The following CELF2 variants were observed in gnomAD, a reference collection of about 807,000 sequenced individuals.
The protein encoded by CELF2 is CUG triplet repeat RNA-binding protein 2.
Under a neutral mutation model 62.6 loss-of-function variants are expected in CELF2, and 8 were observed. That is an observed-to-expected ratio of 0.13 (90% CI 0.07 to 0.23). CELF2 has a LOEUF of 0.23. Among genes scored for constraint, CELF2 ranks in the 10% least tolerant of loss-of-function variants. The pLI, the probability that CELF2 is intolerant of heterozygous loss-of-function variation, is 1.00. For missense variants in CELF2, 333 were observed against 671.0 expected, an observed-to-expected ratio of 0.50 and a Z score of 5.56; for synonymous variants, 258 against 250.0, an observed-to-expected ratio of 1.03 and a Z score of -0.30.
At chr10:10,815,066 T>C (rs1282729158) in intron 1 of CELF2, among the ~76,000 whole-genome samples, 1 of 152,202 alleles carries the variant, frequency 6.6e-6, no homozygotes, top group Non-Finnish European at 1.5e-5. Context: ...AGAATGGGGC[T>C]TTGAGAAGAT....
the CELF2 span, among the ~76,000 whole-genome samples, chr10:10,698,030 G>T: frequency 6.6e-6 from 1 of 152,158 alleles, no homozygotes; most frequent in African/African-American, 2.4e-5. Context: ...CTGACCTGAG[G>T]TGATCCGCCC....
At chr10:10,866,694 C>T (rs138272478) in intron 1 of CELF2, among the ~76,000 whole-genome samples, 3 of 150,676 alleles carry the variant, frequency 2.0e-5, no homozygotes, top group African/African-American at 4.9e-5. Context: ...CGGTGGCTCA[C>T]GACTGTAATT....
At chr10:10,974,274 A>G (rs1289037252) in intron 2 of CELF2, among the ~76,000 whole-genome samples, 1 of 152,200 alleles carries the variant, frequency 6.6e-6, no homozygotes, top group African/African-American at 2.4e-5. Context: ...TTCCTTCACT[A>G]GTATTAGCAG....
intron 2 of CELF2, among the ~76,000 whole-genome samples, chr10:10,978,739 C>T (rs201096): frequency 0.98 from 149,472 of 152,346 alleles, 73,348 homozygotes; most frequent in East Asian, 1. Flanking sequence ...TATGGTAGGC[C>T]AATACCCTAA....
the CELF2 span, among the ~76,000 whole-genome samples, chr10:10,568,117 C>T: frequency 6.6e-6 from 1 of 152,148 alleles, no homozygotes; most frequent in South Asian, 2.1e-4. Flanking sequence ...GGCAAGGCTG[C>T]TTTAAATAGA....
chr10:11,005,233 G>C (rs1184314575), upstream of CELF2: 3 of 1,509,000 alleles, frequency 2.0e-6, no homozygotes, highest in African/African-American at 4.2e-5. This position sits in a 1 kb window ranked among gnomAD's most constrained non-coding sequence, Gnocchi z 4.3. Flanking sequence ...CTAGGGAAGA[G>C]AGTGGGAAGA....
intron 1 of CELF2, among the ~76,000 whole-genome samples, chr10:10,863,863 G>A (rs1229501961): frequency 6.6e-6 from 1 of 152,116 alleles, no homozygotes; most frequent in East Asian, 1.9e-4. Context: ...CTTTCCAGCA[G>A]GACAAACCAA....
chr10:11,272,958 C>T (rs967487786), intron 7 of CELF2, among the ~76,000 whole-genome samples: 3 of 152,180 alleles, frequency 2.0e-5, no homozygotes, highest in East Asian at 1.9e-4. Context: ...AGTTGATAAG[C>T]GCAAGAGAAT....
At chr10:10,681,242 C>T in the CELF2 span, among the ~76,000 whole-genome samples, 6 of 151,974 alleles carry the variant, frequency 3.9e-5, no homozygotes, top group African/African-American at 9.7e-5. Context: ...ACCTATGGGC[C>T]CCAGGACAAA....
At chr10:11,076,450 G>T (rs896586374) in intron 1 of CELF2, among the ~76,000 whole-genome samples, 2 of 152,172 alleles carry the variant, frequency 1.3e-5, no homozygotes, top group Admixed American at 6.5e-5. Flanking sequence ...CTTTAAATGC[G>T]CACAGCTTGC....
intron 2 of CELF2, among the ~76,000 whole-genome samples, chr10:11,176,521 C>G (rs890873244): frequency 1.3e-5 from 2 of 152,166 alleles, no homozygotes. Flanking sequence ...GTATTTTAAA[C>G]TTTGCAATAG....
At chr10:10,984,717 G>A (rs963512414) in intron 2 of CELF2, among the ~76,000 whole-genome samples, 1 of 151,862 alleles carries the variant, frequency 6.6e-6, no homozygotes, top group Admixed American at 6.6e-5. Context: ...TCTTTTAAGG[G>A]GATTCACCAC....
At chr10:11,234,679 C>CA (rs11387214) in intron 3 of CELF2, among the ~76,000 whole-genome samples, 63,197 of 83,264 alleles carry the variant, frequency 0.76, 24,078 homozygotes, top group Middle Eastern at 0.82. Context: ...GACTCCATCT[C>CA]AAAAAAAAAA....
intron 1 of CELF2, among the ~76,000 whole-genome samples, chr10:11,111,705 A>T (rs1430523787): frequency 6.6e-6 from 1 of 152,238 alleles, no homozygotes; most frequent in Non-Finnish European, 1.5e-5. Context: ...AATCATGTGG[A>T]TGCATCTTCC....
chr10:11,231,674 T>C (rs2068712913), intron 3 of CELF2, among the ~76,000 whole-genome samples: 1 of 151,274 alleles, frequency 6.6e-6, no homozygotes, highest in African/African-American at 2.4e-5. Flanking sequence ...TTACTTAGTT[T>C]GTATATGGTT....
chr10:10,849,609 A>G (rs914830585), intron 1 of CELF2, among the ~76,000 whole-genome samples: 2 of 152,142 alleles, frequency 1.3e-5, no homozygotes, highest in Non-Finnish European at 2.9e-5. Flanking sequence ...GTGTTTCCTA[A>G]AAACAAGGAT....
intron 1 of CELF2, among the ~76,000 whole-genome samples, chr10:10,849,743 A>C (rs986641027): frequency 6.6e-6 from 1 of 152,060 alleles, no homozygotes; most frequent in Non-Finnish European, 1.5e-5. Context: ...GTGTGTGTGT[A>C]TATATTATGA....
chr10:10,729,801 A>G, the CELF2 span, among the ~76,000 whole-genome samples: 1 of 152,094 alleles, frequency 6.6e-6, no homozygotes, highest in Admixed American at 6.6e-5. Context: ...TGGTCTTTTC[A>G]TCATTGTGCC....
At chr10:11,026,834 C>T (rs7070531) in intron 1 of CELF2, among the ~76,000 whole-genome samples, 110,436 of 152,164 alleles carry the variant, frequency 0.73, 44,358 homozygotes, top group East Asian at 0.9. Context: ...CCTAGCTCAT[C>T]ACTTGTAAAT....
Sources: gnomAD v4.1 joint callset for allele counts (sites outside exome capture counted in the v4.1 genomes callset) on GRCh38, gnomAD v4.1.1 for gene constraint, Gnocchi (gnomAD v3.1) non-coding constraint, MANE v1.5 for transcripts, NCBI Gene and HGNC (gene_info 2026-07-23, HGNC 2026-07-21) for gene names.